Variants in NEK6 observed in about 807,000 individuals in gnomAD.
The protein encoded by NEK6 is NIMA related kinase 6.
Under a neutral mutation model 43.5 loss-of-function variants are expected in NEK6, and 27 were observed. That is an observed-to-expected ratio of 0.62 (90% CI 0.46 to 0.86). The LOEUF is 0.86. NEK6 is among the 40% of genes least tolerant of loss of function. NEK6 has a pLI of 0.00. For missense variants in NEK6, 318 were observed against 414.4 expected (o/e 0.77, Z 2.02); for synonymous variants, 167 against 164.1 (o/e 1.02, Z -0.14).
At position 124,257,964 on chromosome 9, in the gene NEK6, G is replaced by A. The variant is rs1830871526; in HGVS notation, c.-151G>A. On this transcript the variant is annotated 5_prime_UTR_variant, in exon 1 of 10. Coordinates refer to ENST00000320246, the MANE Select transcript of NEK6 (RefSeq NM_014397.6). ...GCCCGCGCAGGCGGTGGCGGCGGCGGCGGAACCGAGCTGACGGGCGTGCGG... is the reference window on the plus strand; with the variant it reads ...GCCCGCGCAGGCGGTGGCGGCGGCGACGGAACCGAGCTGACGGGCGTGCGG... 7.2e-6 allele frequency: 7 copies of A among 978,950 alleles called. No homozygotes were observed. The highest frequency in any genetic ancestry group is 1.8e-5 in the African/African-American group (1 of 56,596). 60.6% of individuals were successfully genotyped at this position (978,950 alleles called of 1,614,324 possible).
At chr9:124,291,859 C>A (rs763413431) in intron 1 of NEK6, 18 of 985,314 alleles carry the variant, frequency 1.8e-5, no homozygotes, top group Non-Finnish European at 2.0e-5. Flanking sequence ...AGGTGGCAGC[C>A]GGAGCTATTT....
intron 9 of NEK6, among the ~76,000 whole-genome samples, chr9:124,349,756 C>T (rs185228219): frequency 6.6e-6 from 1 of 152,290 alleles, no homozygotes; most frequent in East Asian, 1.9e-4. Flanking sequence ...AGGTACCTTC[C>T]CCCGAATATT....
chr9:124,327,614 G>C (rs997169518), intron 7 of NEK6, among the ~76,000 whole-genome samples, 169 bp downstream of exon 7: 1 of 152,226 alleles, frequency 6.6e-6, no homozygotes, highest in Admixed American at 6.5e-5. Flanking sequence ...AAGGGAATCA[G>C]CTGTGGCCAG....
At chr9:124,319,803 C>T (rs952489918) in intron 4 of NEK6, among the ~76,000 whole-genome samples, 1 of 152,176 alleles carries the variant, frequency 6.6e-6, no homozygotes, top group Middle Eastern at 3.2e-3. Context: ...GTCTATGTAT[C>T]TATTTTTGTA....
At chr9:124,336,953 A>G (rs1977516) in intron 7 of NEK6, among the ~76,000 whole-genome samples, 148,347 of 151,166 alleles carry the variant, frequency 0.98, 72,825 homozygotes, top group East Asian at 1. Context: ...AGGTGATCGC[A>G]CCACTGCACT....
chr9:124,291,094 C>T (rs1832396023), intron 1 of NEK6, among the ~76,000 whole-genome samples: 2 of 152,210 alleles, frequency 1.3e-5, no homozygotes, highest in African/African-American at 2.4e-5. Context: ...CTGCCTTGTG[C>T]CCCGCCTGGC....
intron 2 of NEK6, among the ~76,000 whole-genome samples, chr9:124,305,631 G>GTT (rs1441063932): frequency 1.0e-3 from 158 of 152,088 alleles, no homozygotes; most frequent in Middle Eastern, 0.01. Context: ...TTTTTTTGGG[G>GTT]TTTTTTTCCT....
intron 1 of NEK6, among the ~76,000 whole-genome samples, chr9:124,281,487 CTTTTTTTTTTTTTTTTTTTTT>C (rs759381068): frequency 2.9e-5 from 3 of 102,926 alleles, no homozygotes; most frequent in Non-Finnish European, 5.7e-5. Context: ...GCTGTTTTTT[CTTTTTTTTTTTTTTTTTTTTT>C]TTTTTTTTTG....
intron 1 of NEK6, among the ~76,000 whole-genome samples, chr9:124,288,853 T>G (rs1055408844): frequency 6.6e-6 from 1 of 152,192 alleles, no homozygotes; most frequent in African/African-American, 2.4e-5. Context: ...CCCCACAGCC[T>G]GGCCTGCTCT....
intron 8 of NEK6, among the ~76,000 whole-genome samples, chr9:124,344,911 G>A (rs1829840296): frequency 6.6e-6 from 1 of 152,226 alleles, no homozygotes; most frequent in South Asian, 2.1e-4. Flanking sequence ...TGGTGGAGGA[G>A]CAGGGCTGCA....
intron 4 of NEK6, among the ~76,000 whole-genome samples, chr9:124,316,484 C>T (rs1833823811): frequency 6.6e-6 from 1 of 152,216 alleles, no homozygotes; most frequent in African/African-American, 2.4e-5. Context: ...CCTCCCTTCC[C>T]TCTGGCCACC....
chr9:124,305,312 C>T (rs368070219), intron 2 of NEK6, among the ~76,000 whole-genome samples: 1 of 152,104 alleles, frequency 6.6e-6, no homozygotes, highest in South Asian at 2.1e-4. Flanking sequence ...CCCAGCACTT[C>T]GGGAGGCCAA....
chr9:124,280,861 C>T (rs903154351), intron 1 of NEK6, among the ~76,000 whole-genome samples: 4 of 152,164 alleles, frequency 2.6e-5, no homozygotes, highest in African/African-American at 4.8e-5. Context: ...GTCGTGATCT[C>T]GGCTCACTGC....
At chr9:124,334,068 C>T (rs11791290) in intron 7 of NEK6, among the ~76,000 whole-genome samples, 71,011 of 152,044 alleles carry the variant, frequency 0.47, 17,571 homozygotes, top group Non-Finnish European at 0.56. Context: ...TGAGCCACCA[C>T]GCCCGGCCCA....
rs538691219 is a variant in NEK6, at chr9:124,279,841, G to A, written c.-30+21756G>A. On this transcript the variant is annotated intron_variant, in intron 1 of 9. Transcript: ENST00000320246. ...ACCATGTCTGTTCACTCTCATGTCT[G>A]TGTCTACCTCCCAACCACGCAAAAC... is the stretch of plus-strand genomic sequence containing the variant. Among the ~76,000 whole-genome samples the A allele has an allele frequency of 7.2e-5, 11 of 152,326 alleles. No individual in the cohort carries two copies. The East Asian group carries it at 1.9e-3, about 27-fold the overall frequency.
chr9:124,333,587 T>C (rs1829131285), intron 7 of NEK6, among the ~76,000 whole-genome samples: 2 of 151,964 alleles, frequency 1.3e-5, no homozygotes, highest in Admixed American at 1.3e-4. Context: ...AAGAGTGAGG[T>C]GGGTGAGTGA....
At chr9:124,292,749 C>G in intron 1 of NEK6, 3 of 1,206,756 alleles carry the variant, frequency 2.5e-6, no homozygotes, top group Non-Finnish European at 3.4e-6. Flanking sequence ...TGTTTCTGTA[C>G]TGAGTCAGCA....
At chr9:124,314,099 C>A in intron 4 of NEK6, 114 bp downstream of exon 4, 2 of 923,340 alleles carry the variant, frequency 2.2e-6, no homozygotes, top group Non-Finnish European at 3.4e-6. Context: ...GCAGCCCCTG[C>A]TAAGTTAACA....
rs1830269270 is a variant in NEK6, at chr9:124,351,459, G to A, written c.*512G>A. 6.6e-6 allele frequency: 1 copy of A among 152,500 alleles called. No homozygotes were observed. Among genetic ancestry groups the A allele is most frequent in the African/African-American group, 2.4e-5 (1 of 41,432 alleles). The allele number at this position is 152,500 out of a possible 1,614,324, so 9.4% of individuals were successfully genotyped here. On this transcript the variant is annotated 3_prime_UTR_variant, in exon 10 of 10. Transcript: ENST00000320246. The stretch of plus-strand genomic sequence containing the variant: ...AGTGGAAATCATTTTTTTCCGTGGA[G>A]TGGTGATTCTGCTAACATTTTTATC...
Sources: gnomAD v4.1 joint callset for allele counts (sites outside exome capture counted in the v4.1 genomes callset) on GRCh38, gnomAD v4.1.1 for gene constraint, MANE v1.5 for transcripts, NCBI Gene and HGNC (gene_info 2026-07-23, HGNC 2026-07-21) for gene names.